VSTM2L: variants seen among roughly 807,000 people sequenced by gnomAD.
The protein encoded by VSTM2L is V-set and transmembrane domain-containing protein 2-like protein.
VSTM2L carries 9 observed loss-of-function variants against 19.9 expected under a neutral mutation model. The observed-to-expected ratio is 0.45, with a 90% CI of 0.27 to 0.79. The LOEUF is 0.79. VSTM2L is among the 30% of genes least tolerant of loss of function. VSTM2L has a pLI of 0.15. For missense variants in VSTM2L, 286 were observed against 295.5 expected (o/e 0.97, Z 0.24); for synonymous variants, 127 against 133.8 (o/e 0.95, Z 0.35).
intron 1 of VSTM2L, among the ~76,000 whole-genome samples, chr20:37,915,828 T>C (rs116708610): frequency 0.017 from 2,542 of 152,192 alleles, 65 homozygotes; most frequent in African/African-American, 0.059. Flanking sequence ...CCCTACCCAC[T>C]GGGCACCCTC....
At chr20:37,931,434 C>T (rs909167603) in intron 1 of VSTM2L, among the ~76,000 whole-genome samples, 1 of 152,196 alleles carries the variant, frequency 6.6e-6, no homozygotes, top group Admixed American at 6.5e-5. Context: ...CTGCTGCACA[C>T]ACCCTTGGCC....
At chr20:37,917,677 G>T (rs928538498) in intron 1 of VSTM2L, among the ~76,000 whole-genome samples, 1 of 152,178 alleles carries the variant, frequency 6.6e-6, no homozygotes, top group Non-Finnish European at 1.5e-5. Context: ...GCTCCCCCTC[G>T]CCCTAGTGCC....
In VSTM2L at chr20:37,929,439, C is replaced by T. The variant is rs142189691; in HGVS notation, c.122-2196C>T. The stretch of plus-strand genomic sequence containing the variant: ...TGCTGCAGCCTTGACCTCCTGGGCA[C>T]GAGCAATCCTTTTAGCTGGGCATGG... On this transcript the variant is annotated intron_variant, in intron 1 of 3. Transcript: ENST00000373461. Among the ~76,000 whole-genome samples, 493 of 152,190 alleles carry T rather than the reference C, an allele frequency of 3.2e-3. 2 individuals carry two copies. The highest frequency in any genetic ancestry group is 6.8e-3 in the Middle Eastern group (2 of 294).
rs116531449 is a variant in VSTM2L at position 37,907,230 on chromosome 20, C to T, written c.121+3759C>T. The stretch of plus-strand genomic sequence containing the variant: ...CAAATGATCCTTTTACCTCAGCCTC[C>T]GAGTAGCTGGGAGTGACAGGCATGT... On this transcript the variant is annotated intron_variant, in intron 1 of 3. Transcript: ENST00000373461. Among the ~76,000 whole-genome samples the T allele has an allele frequency of 3.0e-3, 450 of 152,260 alleles. 3 individuals carry two copies. Among genetic ancestry groups the T allele is most frequent in the African/African-American group, 0.01 (435 of 41,528 alleles).
chr20:37,932,181 C>T (rs58059457), intron 2 of VSTM2L, among the ~76,000 whole-genome samples: 1,708 of 152,292 alleles, frequency 0.011, 29 homozygotes, highest in African/African-American at 0.039. Context: ...CCGGGCCACA[C>T]GGGCAGCCTT....
intron 1 of VSTM2L, among the ~76,000 whole-genome samples, chr20:37,903,730 C>T (rs1241343880): frequency 2.0e-5 from 3 of 152,228 alleles, no homozygotes; most frequent in Admixed American, 1.3e-4. Context: ...TGCACAGCCG[C>T]GGACACACTC....
At chr20:37,929,216 G>C (rs1450137972) in intron 1 of VSTM2L, among the ~76,000 whole-genome samples, 2 of 152,180 alleles carry the variant, frequency 1.3e-5, no homozygotes, top group African/African-American at 2.4e-5. Context: ...CTGAGGAAAG[G>C]GTGTTCCAGG....
chr20:37,916,203 C>G (rs139479128), intron 1 of VSTM2L, among the ~76,000 whole-genome samples: 1 of 152,366 alleles, frequency 6.6e-6, no homozygotes, highest in East Asian at 1.9e-4. Context: ...AATGGGCTCA[C>G]CCCACTAGCT....
At chr20:37,927,683 G>A (rs1201252674) in intron 1 of VSTM2L, among the ~76,000 whole-genome samples, 1 of 152,232 alleles carries the variant, frequency 6.6e-6, no homozygotes, top group East Asian at 1.9e-4. Flanking sequence ...GCCAGAGTCA[G>A]GGTTTTCTGT....
At chr20:37,928,626 G>A (rs561064324) in intron 1 of VSTM2L, among the ~76,000 whole-genome samples, 27 of 152,258 alleles carry the variant, frequency 1.8e-4, no homozygotes, top group South Asian at 8.3e-4. Flanking sequence ...ATGGTGGCTC[G>A]TGCCTGTAGT....
In VSTM2L at chr20:37,944,183, C is replaced by T. The variant is rs780753463; in HGVS notation, c.545C>T (p.Ala182Val). ...CCCGAAGCCCCTCCCGCCGCGCCCG[C>T]CCCGCCGCCCCCCAAGCCAGGCAAG... ...HLPEAPPAAPAPPPPKPGKEL... is the reference protein window; with the variant it reads ...HLPEAPPAAPVPPPPKPGKEL... The change falls in exon 4 of 4, where the codon GCC becomes GTC. Residue 182 changes from alanine (A) to valine (V), a missense_variant. Transcript: ENST00000373461. 3.9e-6 allele frequency: 6 copies of T among 1,542,562 alleles called. No individual in the cohort carries two copies. Among genetic ancestry groups the T allele is most frequent in the Admixed American group, 3.9e-5 (2 of 51,210 alleles).
chr20:37,903,964 C>T (rs950213704), intron 1 of VSTM2L, among the ~76,000 whole-genome samples: 7 of 152,180 alleles, frequency 4.6e-5, no homozygotes, highest in Non-Finnish European at 5.9e-5. Context: ...CACACACACA[C>T]AGGCACACAC....
intron 1 of VSTM2L, among the ~76,000 whole-genome samples, chr20:37,908,686 C>T (rs1227224355): frequency 6.6e-6 from 1 of 152,096 alleles, no homozygotes; most frequent in Non-Finnish European, 1.5e-5. Context: ...ACCTGTAGTC[C>T]CAGCTACTCA....
intron 3 of VSTM2L, among the ~76,000 whole-genome samples, chr20:37,934,352 AG>A (rs1378101129): frequency 6.6e-6 from 1 of 152,082 alleles, no homozygotes; most frequent in Non-Finnish European, 1.5e-5. Context: ...CATGGAGTGG[AG>A]GGGACCTGCC....
rs151163483 is a variant in VSTM2L at position 37,931,858 on chromosome 20, G to A, written c.291+54G>A. On this transcript the variant is annotated intron_variant, in intron 2 of 3. Coordinates refer to ENST00000373461, the MANE Select transcript of VSTM2L (RefSeq NM_080607.3). ...GGGCTGGGGAAGTCCTGGTCCCTGG[G>A]GTAGGGGTATTTCTCTGCCCCTCTT... The A allele has an allele frequency of 9.8e-4, 1,541 of 1,566,580 alleles. 14 individuals are homozygous for A. In the African/African-American group the frequency reaches 0.019, roughly 20 times the overall value.
intron 1 of VSTM2L, among the ~76,000 whole-genome samples, chr20:37,918,719 C>T (rs2122951695): frequency 6.6e-6 from 1 of 152,228 alleles, no homozygotes; most frequent in Admixed American, 6.5e-5. Flanking sequence ...CTTGGGAGAC[C>T]CCTCTCTGGT....
intron 1 of VSTM2L, among the ~76,000 whole-genome samples, chr20:37,911,431 A>C (rs1048748753): frequency 6.6e-6 from 1 of 152,128 alleles, no homozygotes; most frequent in Admixed American, 6.5e-5. Context: ...AGGAGCAAAG[A>C]CTGTTGAAGT....
At chr20:37,939,999 G>A (rs534774157) in intron 3 of VSTM2L, among the ~76,000 whole-genome samples, 3 of 152,276 alleles carry the variant, frequency 2.0e-5, no homozygotes, top group Admixed American at 1.3e-4. Flanking sequence ...CCAGGCCTTC[G>A]TGGCCCCATC....
At chr20:37,931,364 C>T (rs1017982356) in intron 1 of VSTM2L, among the ~76,000 whole-genome samples, 2 of 152,178 alleles carry the variant, frequency 1.3e-5, no homozygotes, top group Non-Finnish European at 2.9e-5. Context: ...TCCCACAGCG[C>T]CCGGCTGCTG....
Sources: gnomAD v4.1 joint callset for allele counts (sites outside exome capture counted in the v4.1 genomes callset) on GRCh38, gnomAD v4.1.1 for gene constraint, MANE v1.5 for transcripts, NCBI Gene and HGNC (gene_info 2026-07-23, HGNC 2026-07-21) for gene names.